CSGALNACT1: variants seen among roughly 807,000 people sequenced by gnomAD.
CSGALNACT1 encodes chondroitin sulfate N-acetylgalactosaminyltransferase 1.
In CSGALNACT1, 52 loss-of-function variants were observed where a neutral mutation model predicts 51.0. The ratio of observed to expected loss-of-function variants is 1.02; its 90% CI spans 0.82 to 1.29. CSGALNACT1 has a LOEUF of 1.29. CSGALNACT1 is among the 50% of genes most tolerant of loss of function. The pLI is 0.00. For missense variants in CSGALNACT1, 935 were observed against 679.2 expected (o/e 1.38, Z -4.19); for synonymous variants, 341 against 254.4 (o/e 1.34, Z -3.24).
At chr8:19,440,224 C>T (rs1310963605) in intron 5 of CSGALNACT1, among the ~76,000 whole-genome samples, 1 of 152,180 alleles carries the variant, frequency 6.6e-6, no homozygotes, top group Non-Finnish European at 1.5e-5. Flanking sequence ...TAGACAGTGT[C>T]ATGGAATTGG....
At chr8:19,623,289 G>GTCA (rs1295620392) in intron 1 of CSGALNACT1, among the ~76,000 whole-genome samples, 3 of 152,162 alleles carry the variant, frequency 2.0e-5, no homozygotes, top group Non-Finnish European at 4.4e-5. Context: ...AAAGGGAGAA[G>GTCA]TAATAATAAT....
At chr8:19,731,199 A>G (rs973132155) in intron 1 of CSGALNACT1, among the ~76,000 whole-genome samples, 1 of 152,128 alleles carries the variant, frequency 6.6e-6, no homozygotes, top group African/African-American at 2.4e-5. Flanking sequence ...GCACCTCCAA[A>G]CAACCAGCAA....
chr8:19,454,783 A>G (rs1247023255), intron 5 of CSGALNACT1, among the ~76,000 whole-genome samples: 1 of 126,782 alleles, frequency 7.9e-6, no homozygotes, highest in Non-Finnish European at 1.7e-5. Context: ...AACTTACAAA[A>G]TGTAGTAAAA....
At chr8:19,509,733 C>A (rs1436528467) in intron 3 of CSGALNACT1, among the ~76,000 whole-genome samples, 2 of 151,114 alleles carry the variant, frequency 1.3e-5, no homozygotes, top group East Asian at 2.0e-4. Flanking sequence ...GCCACAAAAT[C>A]TCTGTGCAAT....
chr8:19,527,298 C>T (rs1171960583), intron 3 of CSGALNACT1, among the ~76,000 whole-genome samples: 1 of 152,006 alleles, frequency 6.6e-6, no homozygotes, highest in Non-Finnish European at 1.5e-5. Flanking sequence ...GAAGGTTAGC[C>T]AGGAAGAGAG....
chr8:19,625,660 C>G (rs918636236), intron 1 of CSGALNACT1, among the ~76,000 whole-genome samples: 1 of 152,214 alleles, frequency 6.6e-6, no homozygotes, highest in African/African-American at 2.4e-5. Context: ...CATGCTGTCT[C>G]TGCAACACAA....
chr8:19,630,726 T>C (rs948846582), intron 1 of CSGALNACT1, among the ~76,000 whole-genome samples: 3 of 152,228 alleles, frequency 2.0e-5, no homozygotes, highest in African/African-American at 7.2e-5. Flanking sequence ...TGGAACTACA[T>C]AGTAGCTTTT....
chr8:19,670,800 A>C (rs2059745620), intron 1 of CSGALNACT1, among the ~76,000 whole-genome samples: 1 of 152,206 alleles, frequency 6.6e-6, no homozygotes, highest in Admixed American at 6.5e-5. Context: ...AGATTGAGCC[A>C]GATTCTACTT....
intron 8 of CSGALNACT1, among the ~76,000 whole-genome samples, chr8:19,416,878 T>G (rs199837054): frequency 6.8e-6 from 1 of 148,110 alleles, no homozygotes; most frequent in Non-Finnish European, 1.5e-5. Context: ...TTTTTTTTTC[T>G]TTGAGACAGG....
At chr8:19,727,788 G>A (rs973102622) in intron 1 of CSGALNACT1, among the ~76,000 whole-genome samples, 2 of 152,144 alleles carry the variant, frequency 1.3e-5, no homozygotes, top group African/African-American at 2.4e-5. Context: ...ATAACCCTGG[G>A]ACCAAGGTGG....
At chr8:19,544,979 G>A (rs553359723) in intron 3 of CSGALNACT1, among the ~76,000 whole-genome samples, 384 of 151,834 alleles carry the variant, frequency 2.5e-3, no homozygotes, top group Non-Finnish European at 4.1e-3. Context: ...CAGGGGAGAA[G>A]CCAGTCAGTC....
At chr8:19,661,132 T>A (rs1330764675) in intron 1 of CSGALNACT1, among the ~76,000 whole-genome samples, 1 of 151,722 alleles carries the variant, frequency 6.6e-6, no homozygotes, top group Admixed American at 6.6e-5. Context: ...GCCAGGATGG[T>A]CTTGATCTCC....
rs77910684 is a variant in CSGALNACT1, at chr8:19,747,571, G to A, written c.-297+10279C>T. ...GAGAGCACCCCAGACCCAAAATGTTGAACCAGCTTACTCGATCCAACAAAG... is the reference window on the plus strand; with the variant it reads ...GAGAGCACCCCAGACCCAAAATGTTAAACCAGCTTACTCGATCCAACAAAG... On this transcript the variant is annotated intron_variant, in intron 1 of 1. Coordinates refer to the CSGALNACT1 transcript ENST00000517494. Among the ~76,000 whole-genome samples the A allele has an allele frequency of 2.6e-3, 390 of 152,276 alleles. 3 individuals carry two copies. Among genetic ancestry groups the A allele is most frequent in the African/African-American group, 8.4e-3 (348 of 41,552 alleles).
At chr8:19,556,695 T>A (rs187877828) in intron 3 of CSGALNACT1, among the ~76,000 whole-genome samples, 13 of 152,262 alleles carry the variant, frequency 8.5e-5, no homozygotes, top group Admixed American at 8.5e-4. Flanking sequence ...TCTCCTTTTT[T>A]TTTTCTCTCC....
At chr8:19,447,218 G>A (rs1380353071) in intron 5 of CSGALNACT1, among the ~76,000 whole-genome samples, 1 of 152,190 alleles carries the variant, frequency 6.6e-6, no homozygotes, top group African/African-American at 2.4e-5. Flanking sequence ...AGCTCCCCAG[G>A]TCACCTGAGC....
intron 4 of CSGALNACT1, among the ~76,000 whole-genome samples, chr8:19,497,104 A>G (rs2075626026): frequency 6.6e-6 from 1 of 152,186 alleles, no homozygotes; most frequent in Non-Finnish European, 1.5e-5. Context: ...GGGGACAGGA[A>G]AATACCCTAA....
At chr8:19,658,257 A>G (rs2058464231) in intron 1 of CSGALNACT1, among the ~76,000 whole-genome samples, 1 of 152,084 alleles carries the variant, frequency 6.6e-6, no homozygotes, top group Non-Finnish European at 1.5e-5. Flanking sequence ...GAAGCCCCCA[A>G]GAGGAACCAA....
At chr8:19,572,035 G>A (rs531166159) in intron 3 of CSGALNACT1, among the ~76,000 whole-genome samples, 20 of 152,276 alleles carry the variant, frequency 1.3e-4, no homozygotes, top group African/African-American at 4.3e-4. Context: ...ATTTTCAATG[G>A]ATAGAAAACA....
At chr8:19,562,026 G>T (rs1267934502) in intron 3 of CSGALNACT1, among the ~76,000 whole-genome samples, 1 of 152,052 alleles carries the variant, frequency 6.6e-6, no homozygotes, top group East Asian at 1.9e-4. Flanking sequence ...ACTCCCTCTG[G>T]ATGGAGCTCC....
Sources: allele counts gnomAD v4.1 joint callset (sites outside exome capture counted in the v4.1 genomes callset), GRCh38; gene constraint gnomAD v4.1.1; transcripts MANE v1.5; gene names NCBI Gene and HGNC (gene_info 2026-07-23, HGNC 2026-07-21).